The following ABL2 variants were observed in gnomAD, a reference collection of about 807,000 sequenced individuals.
The protein encoded by ABL2 is ABL proto-oncogene 2, non-receptor tyrosine kinase.
ABL2 carries 49 observed loss-of-function variants against 107.7 expected under a neutral mutation model. The observed-to-expected ratio is 0.45, with a 90% CI of 0.36 to 0.58. ABL2 has a LOEUF of 0.58. Among genes scored for constraint, ABL2 ranks in the 20% least tolerant of loss-of-function variants. The pLI, the probability that ABL2 is intolerant of heterozygous loss-of-function variation, is 0.00. For synonymous variants in ABL2, 549 were observed against 548.6 expected (o/e 1.00, Z -0.01); for missense variants, 1,245 against 1,457.0 (o/e 0.85, Z 2.37).
Position 179,229,557 on chromosome 1 carries a change from G to A in ABL2, c.-160C>T, listed in dbSNP as rs1037773972. On this transcript the variant is annotated 5_prime_UTR_variant, in exon 1 of 12. Coordinates refer to ENST00000502732, the MANE Select transcript of ABL2 (RefSeq NM_007314.4). Reference sequence around the variant, plus strand: ...GCGGCTCCGCACCCGGCCTCCTCACGGCAGCCGCCGCGCTGCCTCCAGGCG... The same window carrying A: ...GCGGCTCCGCACCCGGCCTCCTCACAGCAGCCGCCGCGCTGCCTCCAGGCG... The A allele has an allele frequency of 4.5e-6, 3 of 663,502 alleles. No homozygotes were observed. Among genetic ancestry groups the A allele is most frequent in the Non-Finnish European group, 6.9e-6 (3 of 436,188 alleles). 41.1% of individuals were successfully genotyped at this position (663,502 alleles called of 1,614,324 possible).
chr1:179,123,376 G>A (rs977345038), intron 4 of ABL2, among the ~76,000 whole-genome samples: 6 of 151,802 alleles, frequency 4.0e-5, no homozygotes, highest in Non-Finnish European at 8.8e-5. Context: ...TTGGTGGTGC[G>A]TGCCTGCAGT....
chr1:179,101,391 T>TC lies in ABL2; in HGVS notation c.*6326dup, dbSNP rs1204025701. 8 of 182,588 alleles carry TC rather than the reference T, an allele frequency of 4.4e-5. No individual in the cohort carries two copies. Among genetic ancestry groups the TC allele is most frequent in the Non-Finnish European group, 8.1e-5 (7 of 86,890 alleles). 11.3% of individuals were successfully genotyped at this position (182,588 alleles called of 1,614,324 possible). ...ATGAAGGTATCCTTTTTTTTTTTTT[T>TC]CTTCTTAACGTGTCTCACTCTGTCA... is the stretch of plus-strand genomic sequence containing the variant. On this transcript the variant is annotated 3_prime_UTR_variant, in exon 12 of 12. Transcript: ENST00000502732.
chr1:179,135,029 G>C (rs566835015), intron 1 of ABL2, among the ~76,000 whole-genome samples: 1 of 152,252 alleles, frequency 6.6e-6, no homozygotes, highest in African/African-American at 2.4e-5. Flanking sequence ...CGTTCACTCA[G>C]TGCTCAATGG....
intron 1 of ABL2, among the ~76,000 whole-genome samples, chr1:179,183,179 T>C (rs1660478230): frequency 6.6e-6 from 1 of 151,962 alleles, no homozygotes; most frequent in South Asian, 2.1e-4. Flanking sequence ...AGCTAAATAA[T>C]GTGTACACAT....
rs1359873352 is a variant in ABL2 at position 179,100,186 on chromosome 1, A to T, written c.*7532T>A. On this transcript the variant is annotated 3_prime_UTR_variant, in exon 12 of 12. Transcript: ENST00000502732. ...ATGGTGATTTCTCAAGATCTCAAGA[A>T]ATTCCTCTCAAAACATAATGGAGGC... 4.4e-6 allele frequency: 1 copy of T among 229,482 alleles called. No homozygotes were observed. Among genetic ancestry groups the T allele is most frequent in the Non-Finnish European group, 8.6e-6 (1 of 115,850 alleles). The allele number at this position is 229,482 out of a possible 1,614,324, so 14.2% of individuals were successfully genotyped here. A position where few individuals can be genotyped will look rare whatever the true frequency, so the allele number is the denominator to read the frequency against.
intron 1 of ABL2, among the ~76,000 whole-genome samples, chr1:179,176,785 T>C (rs1161355780): frequency 6.8e-6 from 1 of 146,542 alleles, no homozygotes; most frequent in Non-Finnish European, 1.5e-5. Flanking sequence ...AACCTCCGCT[T>C]CACAGGTTCA....
intron 9 of ABL2, among the ~76,000 whole-genome samples, chr1:179,112,638 G>C (rs1381615965): frequency 1.3e-5 from 2 of 152,132 alleles, no homozygotes; most frequent in Non-Finnish European, 2.9e-5. Context: ...ACCCAGGCTG[G>C]AGTGCAGCTG....
chr1:179,127,965 G>A (rs1334173189), intron 3 of ABL2, among the ~76,000 whole-genome samples: 2 of 151,082 alleles, frequency 1.3e-5, no homozygotes, highest in Admixed American at 6.6e-5. Flanking sequence ...AACCCGGGAG[G>A]CTGAGGTTGC....
At chr1:179,130,876 T>G (rs1336683069) in intron 3 of ABL2, among the ~76,000 whole-genome samples, 1 of 152,066 alleles carries the variant, frequency 6.6e-6, no homozygotes, top group Non-Finnish European at 1.5e-5. Context: ...TGCCTAAGCT[T>G]ATTCTTACCT....
At chr1:179,229,053 C>T (rs1016853417) in intron 1 of ABL2, among the ~76,000 whole-genome samples, 188 bp downstream of exon 1, 2 of 152,124 alleles carry the variant, frequency 1.3e-5, no homozygotes, top group African/African-American at 4.8e-5. Context: ...GCCAGCCAGG[C>T]TAGAGACGCG....
intron 10 of ABL2, 132 bp downstream of exon 10, chr1:179,112,177 C>T (rs992847025): frequency 3.8e-5 from 26 of 680,548 alleles, no homozygotes; most frequent in Non-Finnish European, 5.5e-5. Context: ...ATGCAATGTC[C>T]TTGTAGTTAA....
intron 7 of ABL2, 26 bp downstream of exon 7, chr1:179,118,561 G>A (rs769352772): frequency 1.3e-6 from 2 of 1,593,564 alleles, no homozygotes; most frequent in South Asian, 2.2e-5. Context: ...TGGCTTCATG[G>A]TTGGTCAGAG....
Position 179,121,780 on chromosome 1 carries a change from ATGT to A in ABL2, c.772_774del (p.Thr258del), listed in dbSNP as rs753418829. On this transcript the variant is annotated inframe_deletion, in exon 5 of 12. Transcript: ENST00000502732. ...TTACACTTGGGTGCTGGGTAGTGTA[ATGT>A]TGTCACCAGCCCATCAGCCACTGTG... 2.5e-6 allele frequency: 4 copies of A among 1,614,068 alleles called. No individual in the cohort carries two copies. The highest frequency in any genetic ancestry group is 1.1e-5 in the South Asian group (1 of 91,076).
At chr1:179,138,545 C>G (rs2102695414) in intron 1 of ABL2, among the ~76,000 whole-genome samples, 1 of 152,334 alleles carries the variant, frequency 6.6e-6, no homozygotes, top group East Asian at 1.9e-4. Flanking sequence ...GCAAAACTAT[C>G]ATCCATCCTT....
At chr1:179,120,711 G>A (rs557841802) in intron 5 of ABL2, among the ~76,000 whole-genome samples, 87 of 152,210 alleles carry the variant, frequency 5.7e-4, no homozygotes, top group African/African-American at 2.0e-3. Flanking sequence ...GAGCCACCAC[G>A]CCCAGCTGAA....
At chr1:179,229,119 GC>G (rs1334228796) in intron 1 of ABL2, 121 bp downstream of exon 1, 28 of 1,242,598 alleles carry the variant, frequency 2.3e-5, no homozygotes, top group Non-Finnish European at 3.1e-5. Context: ...AGCGGATTCC[GC>G]CCCCACTCTC....
intron 1 of ABL2, among the ~76,000 whole-genome samples, chr1:179,134,726 CTCCCTCTCCACGGTCGCCCTCTCCCTCTT>C (rs1163818710): frequency 3.6e-4 from 54 of 152,042 alleles, no homozygotes; most frequent in Middle Eastern, 3.4e-3. Flanking sequence ...CCCTCTCCCT[CTCCCTCTCCACGGTCGCCCTCTCCCTCTT>C]TCCACGGTCT....
chr1:179,143,028 A>G, intron 1 of ABL2: 1 of 1,614,090 alleles, frequency 6.2e-7, no homozygotes, highest in East Asian at 2.2e-5. Context: ...TGGAAGGAGA[A>G]CTGTCCCAAG....
intron 1 of ABL2, among the ~76,000 whole-genome samples, chr1:179,148,496 AC>A (rs1283781846): frequency 6.6e-6 from 1 of 152,224 alleles, no homozygotes; most frequent in African/African-American, 2.4e-5. Context: ...TTGGGGCGCC[AC>A]AAACTGCGCC....
Sources: allele counts gnomAD v4.1 joint callset (sites outside exome capture counted in the v4.1 genomes callset), GRCh38; gene constraint gnomAD v4.1.1; transcripts MANE v1.5; gene names NCBI Gene and HGNC (gene_info 2026-07-23, HGNC 2026-07-21).